DST: variants seen among roughly 807,000 people sequenced by gnomAD.
DST encodes the protein bullous pemphigoid antigen.
Under a neutral mutation model 875.2 loss-of-function variants are expected in DST, and 253 were observed. The observed-to-expected ratio is 0.29, with a 90% CI of 0.26 to 0.32. The LOEUF (loss-of-function observed/expected upper bound fraction) is 0.32. DST is among the 10% of genes least tolerant of loss of function. The pLI, the probability that DST is intolerant of heterozygous loss-of-function variation, is 1.00. For synonymous variants in DST, 3,124 were observed against 3,197.1 expected (o/e 0.98, Z 0.77); for missense variants, 8,287 against 9,111.6 (o/e 0.91, Z 3.68).
chr6:56,942,740 G>A (rs1817306500), intron 2 of DST, among the ~76,000 whole-genome samples: 1 of 142,282 alleles, frequency 7.0e-6, no homozygotes, highest in Admixed American at 7.1e-5. Context: ...TTAAGAGATA[G>A]GGCCTTGCTC....
At chr6:56,650,898 C>A (rs1275797729) in intron 12 of DST, 28 bp downstream of exon 12, 1 of 1,430,902 alleles carries the variant, frequency 7.0e-7, no homozygotes, top group Non-Finnish European at 9.8e-7. Context: ...GAATCAACAG[C>A]TTCCGGTGTG....
chr6:56,627,559 T>G (rs1013611459), intron 33 of DST, among the ~76,000 whole-genome samples: 6 of 152,154 alleles, frequency 3.9e-5, no homozygotes, highest in Admixed American at 1.3e-4. Context: ...ACCACCTATT[T>G]CTGAAGAAAA....
intron 86 of DST, 112 bp downstream of exon 86, chr6:56,489,378 C>T (rs1312276089): frequency 9.1e-7 from 1 of 1,096,346 alleles, no homozygotes; most frequent in Non-Finnish European, 1.2e-6. Flanking sequence ...CAGGTTCACA[C>T]TGGACCTACA....
chr6:56,471,810 T>C lies in DST; in HGVS notation c.22158+249A>G, dbSNP rs1309725754. On this transcript the variant is annotated intron_variant, in intron 94 of 103. Coordinates refer to ENST00000680361, the MANE Select transcript of DST (RefSeq NM_001374736.1). ...TAGATTTTATTCTTAAGGAATCAGC[T>C]TCTGATTGTTAAAACATAATCATTT... 1.3e-5 allele frequency: 7 copies of C among 530,720 alleles called. No homozygotes were observed. The Admixed American group carries it at 2.2e-4, about 17-fold the overall frequency. The allele number at this position is 530,720 out of a possible 1,614,324, so 32.9% of individuals were successfully genotyped here.
intron 4 of DST, among the ~76,000 whole-genome samples, chr6:56,755,347 G>T (rs1214395569): frequency 6.6e-6 from 1 of 152,046 alleles, no homozygotes; most frequent in African/African-American, 2.4e-5. Flanking sequence ...GACAATTGTA[G>T]GTAGCAGTAG....
At position 56,555,460 on chromosome 6, in the gene DST, G is replaced by C. The variant is rs903298889; in HGVS notation, c.15021C>G (p.Ala5007=). ...IQQEKKQIKV[A]QALCEDLSAL... is the part of the protein sequence containing the mutation. ...CTGACAAATCCTCACAGAGTGCCTG[G>C]GCCACTTTTATCTGCTTCTTTTCCT... The change falls in exon 60 of 104, where the codon GCC becomes GCG. Residue 5007 remains alanine (A), a synonymous_variant. Coordinates refer to ENST00000680361, the MANE Select transcript of DST (RefSeq NM_001374736.1). 8 of 1,613,712 alleles carry C rather than the reference G, an allele frequency of 5.0e-6. No homozygotes were observed. Among genetic ancestry groups the C allele is most frequent in the Non-Finnish European group, 6.8e-6 (8 of 1,179,878 alleles).
chr6:56,784,503 C>G (rs1231630703), intron 4 of DST, among the ~76,000 whole-genome samples: 1 of 152,204 alleles, frequency 6.6e-6, no homozygotes, highest in East Asian at 1.9e-4. Flanking sequence ...ACCCTTTCTT[C>G]CAGTTGATCG....
chr6:56,493,336 G>A (rs2095810699), intron 83 of DST, among the ~76,000 whole-genome samples: 1 of 152,028 alleles, frequency 6.6e-6, no homozygotes, highest in Non-Finnish European at 1.5e-5. Context: ...GCTAAAGCAT[G>A]TTTTTTGGAA....
intron 2 of DST, among the ~76,000 whole-genome samples, chr6:56,940,081 C>T (rs900362193): frequency 4.0e-5 from 6 of 151,624 alleles, no homozygotes; most frequent in Non-Finnish European, 8.8e-5. Flanking sequence ...AAAAAAGTTT[C>T]AATCATACTA....
chr6:56,795,368 TAAC>T (rs1239945223), intron 4 of DST, among the ~76,000 whole-genome samples: 1 of 151,912 alleles, frequency 6.6e-6, no homozygotes, highest in Non-Finnish European at 1.5e-5. Flanking sequence ...GAACTACAAA[TAAC>T]AAGATTTTTA....
chr6:56,718,216 C>T (rs1051679665), intron 5 of DST, among the ~76,000 whole-genome samples: 4 of 151,804 alleles, frequency 2.6e-5, no homozygotes, highest in Middle Eastern at 3.2e-3. Flanking sequence ...CAGAGCAAGA[C>T]CTCATCTCAA....
rs77792525 is a variant in DST, at chr6:56,905,653, C to CTT, written c.217-5034_217-5033dup. ...ATATATTGCGTTTTCTTTTTCTCTA[C>CTT]TTTTTTTTTTTTTTAGACAGAGTCT... is the stretch of plus-strand genomic sequence containing the variant. On this transcript the variant is annotated intron_variant, in intron 2 of 103. Coordinates refer to ENST00000680361, the MANE Select transcript of DST (RefSeq NM_001374736.1). Among the ~76,000 whole-genome samples, 243 of 143,058 alleles carry CTT rather than the reference C, an allele frequency of 1.7e-3. 2 individuals are homozygous for CTT. In the East Asian group the frequency reaches 0.038, roughly 23 times the overall value. The allele number at this position is 143,058 out of a possible 152,430, so 93.9% of individuals were successfully genotyped here.
chr6:56,610,669 TCA>T, intron 38 of DST, 107 bp from the exon 39 acceptor site: 2 of 864,646 alleles, frequency 2.3e-6, no homozygotes, highest in Non-Finnish European at 3.4e-6. Context: ...AAATATAGCC[TCA>T]CATACATATT....
chr6:56,803,927 C>T (rs2099750236), intron 4 of DST, among the ~76,000 whole-genome samples: 1 of 152,188 alleles, frequency 6.6e-6, no homozygotes. Flanking sequence ...TTTCCCATCA[C>T]ATAAATGAAA....
intron 33 of DST, among the ~76,000 whole-genome samples, 194 bp from the exon 34 acceptor site, chr6:56,627,481 T>A (rs1242879761): frequency 6.6e-6 from 1 of 152,186 alleles, no homozygotes; most frequent in African/African-American, 2.4e-5. Flanking sequence ...CCACCCCATG[T>A]GGTTTTCAAA....
At chr6:56,760,507 C>T (rs544056776) in intron 4 of DST, among the ~76,000 whole-genome samples, 1 of 152,082 alleles carries the variant, frequency 6.6e-6, no homozygotes, top group Non-Finnish European at 1.5e-5. Context: ...GAGCTCAGAT[C>T]TTTTGGCCAG....
Position 56,593,815 on chromosome 6 carries a change from T to G in DST, c.12574A>C (p.Arg4192=). 6.2e-7 allele frequency: 1 copy of G among 1,613,968 alleles called. No individual in the cohort carries two copies. Among genetic ancestry groups the G allele is most frequent in the Non-Finnish European group, 8.5e-7 (1 of 1,179,888 alleles). ...CTGTTTCCAGAAATTGTGATGTATC[T>G]CAAGTCACCTTTGTGAGAAATAACG... ...EDVISHKGDL[R]YITISGNRVL... is the part of the protein sequence containing the mutation. The change falls in exon 48 of 104, where the codon AGA becomes CGA. Residue 4192 remains arginine (R), a synonymous_variant. Coordinates refer to ENST00000680361, the MANE Select transcript of DST (RefSeq NM_001374736.1).
intron 40 of DST, 57 bp downstream of exon 40, chr6:56,603,780 A>G: frequency 6.3e-7 from 1 of 1,580,764 alleles, no homozygotes; most frequent in Non-Finnish European, 8.6e-7. Context: ...AATGTATGGG[A>G]TTATTCTCAC....
At chr6:56,599,132 C>G (rs1419073495) in intron 45 of DST, among the ~76,000 whole-genome samples, 5 of 152,004 alleles carry the variant, frequency 3.3e-5, no homozygotes. Flanking sequence ...TCCCAGTGAA[C>G]TAAGATACTT....
Sources: gnomAD v4.1 joint callset for allele counts (sites outside exome capture counted in the v4.1 genomes callset) on GRCh38, gnomAD v4.1.1 for gene constraint, MANE v1.5 for transcripts, NCBI Gene and HGNC (gene_info 2026-07-23, HGNC 2026-07-21) for gene names.